DRG1: variants seen among roughly 807,000 people sequenced by gnomAD.
DRG1 encodes developmentally-regulated GTP-binding protein 1.
DRG1 carries 19 observed loss-of-function variants against 38.8 expected under a neutral mutation model. The ratio of observed to expected loss-of-function variants is 0.49; its 90% CI spans 0.34 to 0.72. The LOEUF is 0.72. Ranked by LOEUF, DRG1 falls within the 30% of genes least tolerant of loss-of-function variation. The pLI is 0.01. For missense variants in DRG1, 299 were observed against 444.8 expected (o/e 0.67, Z 2.95); for synonymous variants, 167 against 157.5 (o/e 1.06, Z -0.45).
chr22:31,429,431 T>G (rs897131992), intron 8 of DRG1, among the ~76,000 whole-genome samples: 1 of 152,038 alleles, frequency 6.6e-6, no homozygotes, highest in African/African-American at 2.4e-5. Context: ...CTAATGGTGA[T>G]TCTTTATTTT....
intron 8 of DRG1, among the ~76,000 whole-genome samples, chr22:31,428,927 C>A (rs572806010): frequency 6.6e-6 from 1 of 152,218 alleles, no homozygotes; most frequent in Admixed American, 6.5e-5. Context: ...ACATGAGATT[C>A]ATGATGTTGA....
rs9985186 is a variant in DRG1 at position 31,424,153 on chromosome 22, G to A, written c.713+743G>A. ...GTGCTGGGTTTACAGGTGTGAGCCC[G>A]GCCTTTTTTTTTTGAGACAGAGTCT... On this transcript the variant is annotated intron_variant, in intron 6 of 8. Coordinates refer to ENST00000331457, the MANE Select transcript of DRG1 (RefSeq NM_004147.4). Among the ~76,000 whole-genome samples, 873 of 149,098 alleles carry A rather than the reference G, an allele frequency of 5.9e-3. 11 individuals are homozygous for A. Among genetic ancestry groups the A allele is most frequent in the African/African-American group, 0.02 (801 of 40,704 alleles).
rs755268077 is a variant in DRG1, at chr22:31,399,735, G to A, written c.42+10G>A. 3.1e-6 allele frequency: 5 copies of A among 1,613,864 alleles called. No individual in the cohort carries two copies. The highest frequency in any genetic ancestry group is 1.1e-5 in the South Asian group (1 of 91,080). On this transcript the variant is annotated intron_variant, in intron 1 of 8. Coordinates refer to ENST00000331457, the MANE Select transcript of DRG1 (RefSeq NM_004147.4). The stretch of plus-strand genomic sequence containing the variant: ...GGAGATAGAAGCAGAGGTAATGGAC[G>A]CAGCTGGCGGTTCACTCTTAGTCTG...
rs1259627906 is a variant in DRG1 at position 31,427,119 on chromosome 22, C to G, written c.941C>G (p.Ser314Cys). ...ACATCCCCAGTGGTGCTTCCTTACTCCAGGACCACAGTGGAGGATTTCTGC... is the reference window on the plus strand; with the variant it reads ...ACATCCCCAGTGGTGCTTCCTTACTGCAGGACCACAGTGGAGGATTTCTGC... ...DYTSPVVLPY[S>C]RTTVEDFCMK... The change falls in exon 8 of 9, where the codon TCC (serine) becomes TGC (cysteine). Residue 314 changes from serine to cysteine, a missense_variant. Ser to Cys is a moderately radical substitution (Grantham distance 112). This residue lies in a region of DRG1 where 198 missense variants were observed against 268.1 expected (regional missense o/e 0.74). Coordinates refer to ENST00000331457, the MANE Select transcript of DRG1 (RefSeq NM_004147.4). 1 of 1,614,114 alleles carries G rather than the reference C, an allele frequency of 6.2e-7. No individual in the cohort carries two copies. The highest frequency in any genetic ancestry group is 8.5e-7 in the Non-Finnish European group (1 of 1,180,006).
Position 31,433,944 on chromosome 22 carries a change from G to GGATGTC in DRG1, c.1078_1083dup (p.Asp360_Val361dup). On this transcript the variant is annotated inframe_insertion, in exon 9 of 9. Coordinates refer to ENST00000331457, the MANE Select transcript of DRG1 (RefSeq NM_004147.4). ...GTAAAGACCATACGTTGGAGGATGA[G>GGATGTC]GATGTCATTCAAATTGTGAAGAAGT... 6.2e-7 allele frequency: 1 copy of GGATGTC among 1,614,046 alleles called. No homozygotes were observed. The highest frequency in any genetic ancestry group is 8.5e-7 in the Non-Finnish European group (1 of 1,179,932).
intron 4 of DRG1, 83 bp downstream of exon 4, chr22:31,411,164 A>C (rs1240089790): frequency 3.5e-6 from 5 of 1,443,278 alleles, no homozygotes; most frequent in Non-Finnish European, 4.8e-6. Flanking sequence ...CTTGGCTTGG[A>C]GATTATACCA....
At chr22:31,409,028 T>C (rs906422787) in intron 3 of DRG1, among the ~76,000 whole-genome samples, 2 of 152,178 alleles carry the variant, frequency 1.3e-5, no homozygotes, top group African/African-American at 4.8e-5. Context: ...AAGTTTTACC[T>C]TACTGCATTT....
rs369179190 is a variant in DRG1, at chr22:31,415,415, C to G, written c.412+4334C>G. ...TCTTTAGACATTATAAATATCTTCT[C>G]CCGTTAATTTTGTCCAAGGTGGTAT... On this transcript the variant is annotated intron_variant, in intron 4 of 8. Coordinates refer to ENST00000331457, the MANE Select transcript of DRG1 (RefSeq NM_004147.4). Among the ~76,000 whole-genome samples the G allele has an allele frequency of 1.8e-4, 27 of 152,238 alleles. No homozygotes were observed. In the East Asian group the frequency reaches 1.9e-3, roughly 11 times the overall value.
chr22:31,430,884 ATTTT>A (rs1056394566), intron 8 of DRG1, among the ~76,000 whole-genome samples: 1 of 148,904 alleles, frequency 6.7e-6, no homozygotes, highest in African/African-American at 2.5e-5. Context: ...TGCCCAGCAA[ATTTT>A]TTTTTTATTT....
chr22:31,407,398 C>T (rs77404851), intron 3 of DRG1, among the ~76,000 whole-genome samples: 1 of 152,234 alleles, frequency 6.6e-6, no homozygotes, highest in African/African-American at 2.4e-5. Flanking sequence ...GGCACGGGTA[C>T]GATCATGGCT....
intron 4 of DRG1, among the ~76,000 whole-genome samples, chr22:31,419,713 TA>T (rs530319009): frequency 4.1e-3 from 617 of 151,194 alleles, no homozygotes; most frequent in African/African-American, 0.013. Context: ...TGGATACAAT[TA>T]AAAAAAAATT....
At chr22:31,403,565 G>T (rs1269697027) in intron 3 of DRG1, among the ~76,000 whole-genome samples, 1 of 152,158 alleles carries the variant, frequency 6.6e-6, no homozygotes, top group Non-Finnish European at 1.5e-5. Flanking sequence ...AACTCGGGAG[G>T]CTGAGGCTGG....
chr22:31,401,362 C>T (rs1368040862), intron 2 of DRG1, among the ~76,000 whole-genome samples: 3 of 151,428 alleles, frequency 2.0e-5, no homozygotes, highest in Non-Finnish European at 4.4e-5. Flanking sequence ...GCGTGGATCA[C>T]GAGATCAGGA....
intron 2 of DRG1, 61 bp from the exon 3 acceptor site, chr22:31,402,968 A>C: frequency 1.3e-6 from 2 of 1,525,840 alleles, no homozygotes; most frequent in Non-Finnish European, 1.8e-6. Flanking sequence ...GAAAGAAGTT[A>C]TATGAGTCTT....
chr22:31,423,023 T>C (rs765504506), intron 5 of DRG1, among the ~76,000 whole-genome samples: 13 of 152,138 alleles, frequency 8.5e-5, no homozygotes, highest in Non-Finnish European at 1.6e-4. Flanking sequence ...TCCAAATACA[T>C]CACATTCTGA....
At chr22:31,406,349 A>T (rs2049990144) in intron 3 of DRG1, among the ~76,000 whole-genome samples, 1 of 152,142 alleles carries the variant, frequency 6.6e-6, no homozygotes, top group African/African-American at 2.4e-5. Context: ...TAAGAACTTT[A>T]CATAAACAAA....
chr22:31,403,156 T>G lies in DRG1; in HGVS notation c.294T>G (p.Thr98=). The stretch of plus-strand genomic sequence containing the variant: ...AGGTGGCAGCCTATGAATTCACTAC[T>G]CTGACCACTGTGCCTGGTGTCATCA... The part of the protein sequence containing the change: ...YSEVAAYEFT[T]LTTVPGVIRY... Residue 98 remains threonine, a synonymous_variant, in exon 3 of 9, where the codon ACT becomes ACG. Transcript: ENST00000331457. 6.2e-7 allele frequency: 1 copy of G among 1,614,020 alleles called. No homozygotes were observed. Among genetic ancestry groups the G allele is most frequent in the Non-Finnish European group, 8.5e-7 (1 of 1,179,980 alleles).
intron 3 of DRG1, among the ~76,000 whole-genome samples, chr22:31,408,906 T>C (rs979024914): frequency 2.6e-5 from 4 of 152,124 alleles, no homozygotes; most frequent in Non-Finnish European, 4.4e-5. Flanking sequence ...TTTGACTGAT[T>C]CTTAAGGGCA....
At position 31,418,502 on chromosome 22, in the gene DRG1, G is replaced by A. The variant is rs570773250; in HGVS notation, c.413-1754G>A. On this transcript the variant is annotated intron_variant, in intron 4 of 8. Coordinates refer to ENST00000331457, the MANE Select transcript of DRG1 (RefSeq NM_004147.4). Reference sequence around the variant, plus strand: ...AAAAATGAGGAACTAGAAAGTTGATGGAAGCAGAATATTTTTTTTTTTCTG... The same window carrying A: ...AAAAATGAGGAACTAGAAAGTTGATAGAAGCAGAATATTTTTTTTTTTCTG... Among the ~76,000 whole-genome samples the A allele has an allele frequency of 8.1e-4, 122 of 151,500 alleles. 1 individual carries two copies. The highest frequency in any genetic ancestry group is 2.3e-3 in the East Asian group (12 of 5,134).
Sources: allele counts gnomAD v4.1 joint callset (sites outside exome capture counted in the v4.1 genomes callset), GRCh38; gene constraint gnomAD v4.1.1; regional missense constraint gnomAD v4.1.1; transcripts MANE v1.5; gene names NCBI Gene and HGNC (gene_info 2026-07-23, HGNC 2026-07-21).